The following ANO3 variants were observed in gnomAD, a reference collection of about 807,000 sequenced individuals.
ANO3 encodes the protein anoctamin-3.
Under a neutral mutation model 144.8 loss-of-function variants are expected in ANO3, and 99 were observed. The ratio of observed to expected loss-of-function variants is 0.68; its 90% confidence interval spans 0.58 to 0.81. ANO3 has a LOEUF of 0.81. Among genes scored for constraint, ANO3 ranks in the 30% least tolerant of loss-of-function variants. The pLI, the probability that ANO3 is intolerant of heterozygous loss-of-function variation, is 0.00. For synonymous variants in ANO3, 414 were observed against 392.6 expected (o/e 1.05, Z -0.64); for missense variants, 905 against 1,202.2 (o/e 0.75, Z 3.66).
At chr11:26,611,769 C>T (rs2132967842) in intron 17 of ANO3, among the ~76,000 whole-genome samples, 1 of 152,184 alleles carries the variant, frequency 6.6e-6, no homozygotes, top group Middle Eastern at 3.4e-3. Context: ...ATAATATTTG[C>T]TGTACATATT....
chr11:26,627,923 TTAAG>T (rs1473539634), intron 18 of ANO3, among the ~76,000 whole-genome samples: 5 of 151,234 alleles, frequency 3.3e-5, no homozygotes, highest in Non-Finnish European at 2.9e-5. Flanking sequence ...AAATGAAAAA[TTAAG>T]TTTTACTTCT....
At chr11:26,564,169 T>C (rs1447092815) in intron 14 of ANO3, among the ~76,000 whole-genome samples, 3 of 151,792 alleles carry the variant, frequency 2.0e-5, no homozygotes, top group Non-Finnish European at 2.9e-5. Context: ...GTATTCTCAA[T>C]ATGTATATTA....
chr11:26,626,818 T>C (rs967138477), intron 18 of ANO3, among the ~76,000 whole-genome samples: 1 of 152,194 alleles, frequency 6.6e-6, no homozygotes, highest in African/African-American at 2.4e-5. Flanking sequence ...ATGATTTTTG[T>C]TGGGATTTCT....
chr11:26,420,674 A>T lies in ANO3; in HGVS notation c.47-21244A>T, dbSNP rs549421893. ...TAGCTATAATTGTCTCTAGGTTCTT[A>T]TATCTTGTTCCTTCAGGCCTCAGAA... On this transcript the variant is annotated intron_variant, in intron 1 of 26. Coordinates refer to ENST00000256737, the MANE Select transcript of ANO3 (RefSeq NM_031418.4). 7.2e-5 allele frequency among the ~76,000 whole-genome samples: 11 copies of T among 152,140 alleles called. 1 individual carries two copies. The highest frequency in any genetic ancestry group is 2.6e-4 in the Admixed American group (4 of 15,242).
chr11:26,504,863 T>A (rs2134130775), intron 4 of ANO3, among the ~76,000 whole-genome samples: 1 of 151,680 alleles, frequency 6.6e-6, no homozygotes, highest in African/African-American at 2.4e-5. Flanking sequence ...TACAAAAAAA[T>A]TAGCCGGGCG....
chr11:26,548,586 ATGTATG>A (rs1478670534), intron 12 of ANO3, among the ~76,000 whole-genome samples: 12 of 149,470 alleles, frequency 8.0e-5, no homozygotes, highest in East Asian at 3.9e-4. Context: ...TAATATGTAT[ATGTATG>A]TATAAGTATA....
intron 3 of ANO3, among the ~76,000 whole-genome samples, chr11:26,458,954 G>C (rs760328233): frequency 6.6e-6 from 1 of 152,088 alleles, no homozygotes; most frequent in Admixed American, 6.6e-5. Flanking sequence ...AAAGCATTGC[G>C]AGCAGAGGGA....
intron 14 of ANO3, chr11:26,561,054 T>G (rs751317765): frequency 6.2e-7 from 1 of 1,600,300 alleles, no homozygotes; most frequent in Non-Finnish European, 8.5e-7. Flanking sequence ...AACGCCTTTT[T>G]GCTGTTAGTT....
At chr11:26,421,454 C>T (rs1316976802) in intron 1 of ANO3, among the ~76,000 whole-genome samples, 1 of 151,756 alleles carries the variant, frequency 6.6e-6, no homozygotes, top group Non-Finnish European at 1.5e-5. Context: ...ACATAGCATC[C>T]CCAAGACACC....
At chr11:26,531,454 T>C in intron 8 of ANO3, 118 bp downstream of exon 8, 1 of 1,208,828 alleles carries the variant, frequency 8.3e-7, no homozygotes, top group Non-Finnish European at 1.1e-6. Flanking sequence ...GAACTTATCA[T>C]TGTATTAAAA....
intron 24 of ANO3, among the ~76,000 whole-genome samples, chr11:26,649,572 A>G (rs1853457926): frequency 6.6e-6 from 1 of 151,986 alleles, no homozygotes; most frequent in Non-Finnish European, 1.5e-5. Flanking sequence ...CCCCCTCACT[A>G]CTAAAAATAC....
intron 1 of ANO3, among the ~76,000 whole-genome samples, chr11:26,252,309 T>C (rs1363320272): frequency 2.0e-5 from 3 of 152,226 alleles, no homozygotes; most frequent in South Asian, 2.1e-4. Flanking sequence ...AACAAAGCCA[T>C]GAATTCTTGT....
At chr11:26,642,417 T>A (rs926244180) in intron 22 of ANO3, among the ~76,000 whole-genome samples, 25 of 143,006 alleles carry the variant, frequency 1.7e-4, no homozygotes, top group African/African-American at 6.5e-4. Context: ...AGTGGCACAA[T>A]CTCGGCTCAC....
intron 14 of ANO3, among the ~76,000 whole-genome samples, chr11:26,581,713 GAGAAAAGA>G (rs1851139100): frequency 2.9e-5 from 4 of 136,714 alleles, no homozygotes. Context: ...AAAAAAAAAG[GAGAAAAGA>G]AACAAGATGC....
chr11:26,329,257 C>G (rs1023977691), upstream of ANO3, among the ~76,000 whole-genome samples: 1 of 151,654 alleles, frequency 6.6e-6, no homozygotes, highest in Non-Finnish European at 1.5e-5. Flanking sequence ...TTTGCTCAAA[C>G]TCTTCTTTCT....
intron 13 of ANO3, among the ~76,000 whole-genome samples, chr11:26,558,335 A>T (rs1392582818): frequency 6.6e-6 from 1 of 152,028 alleles, no homozygotes; most frequent in Non-Finnish European, 1.5e-5. Flanking sequence ...TAACACTCTA[A>T]GAGACTGTTT....
intron 18 of ANO3, among the ~76,000 whole-genome samples, chr11:26,631,977 C>CA (rs1054285257): frequency 6.6e-6 from 1 of 152,022 alleles, no homozygotes; most frequent in Non-Finnish European, 1.5e-5. Context: ...GTCAGGAGTT[C>CA]AAAACCAGCC....
At chr11:26,362,074 G>T (rs1038168403) in intron 1 of ANO3, among the ~76,000 whole-genome samples, 3 of 152,178 alleles carry the variant, frequency 2.0e-5, no homozygotes, top group Admixed American at 6.5e-5. Flanking sequence ...TAGGACTCAG[G>T]TTGCAGCTTC....
Position 26,443,804 on chromosome 11 carries a change from G to A in ANO3, c.281G>A (p.Cys94Tyr), listed in dbSNP as rs199503393. ...AATAAAAACGACTCTGTGCTGAGAT[G>A]TTCATTTGCTGACCTCAGCGATTTT... The part of the protein sequence containing the change: ...EENKNDSVLR[C>Y]SFADLSDFCL... The change falls in exon 3 of 27, where the codon TGT becomes TAT. Residue 94 changes from cysteine (C) to tyrosine (Y), a missense_variant. Cys to Tyr is a radical substitution (Grantham distance 194). Around this residue, in one of 4 missense-constraint regions of ANO3, gnomAD observed 174 missense variants for 171.9 expected, o/e 1.01. Coordinates refer to ENST00000256737, the MANE Select transcript of ANO3 (RefSeq NM_031418.4). 5.0e-5 allele frequency: 81 copies of A among 1,611,788 alleles called. No individual in the cohort carries two copies. The African/African-American group carries it at 6.7e-4, about 13-fold the overall frequency.
Sources: gnomAD v4.1 joint callset for allele counts (sites outside exome capture counted in the v4.1 genomes callset) on GRCh38, gnomAD v4.1.1 for gene constraint, gnomAD v4.1.1 regional missense constraint, MANE v1.5 for transcripts, NCBI Gene and HGNC (gene_info 2026-07-23, HGNC 2026-07-21) for gene names.